The following GAB1 variants were observed in gnomAD, a reference collection of about 807,000 sequenced individuals.
The protein encoded by GAB1 is GRB2 associated binding protein 1.
A neutral mutation model predicts 66.5 loss-of-function variants in GAB1; 19 were observed. That is an observed-to-expected ratio of 0.29 (90% confidence interval 0.20 to 0.42). GAB1 has a LOEUF of 0.42. Ranked by LOEUF, GAB1 falls within the 10% of genes least tolerant of loss-of-function variation. The probability of loss-of-function intolerance (pLI) is 1.00; values close to 1 mark genes in which losing one functional copy is unlikely to be tolerated. For missense variants in GAB1, 732 were observed against 858.5 expected (o/e 0.85, Z 1.84); for synonymous variants, 294 against 301.4 (o/e 0.98, Z 0.25).
intron 1 of GAB1, among the ~76,000 whole-genome samples, chr4:143,390,736 T>C (rs940057254): frequency 1.3e-5 from 2 of 152,120 alleles, no homozygotes; most frequent in African/African-American, 2.4e-5. Context: ...ATATTGCTCA[T>C]ATAAAAGGGT....
chr4:143,362,327 C>G (rs1350819129), intron 1 of GAB1, among the ~76,000 whole-genome samples: 1 of 152,110 alleles, frequency 6.6e-6, no homozygotes, highest in Non-Finnish European at 1.5e-5. Flanking sequence ...GAGCCAGACC[C>G]CAAGAGACGG....
At chr4:143,365,418 A>G (rs1729842487) in intron 1 of GAB1, among the ~76,000 whole-genome samples, 1 of 152,132 alleles carries the variant, frequency 6.6e-6, no homozygotes, top group Admixed American at 6.5e-5. Flanking sequence ...TTGGTCTCTA[A>G]TGTGCCCCAT....
chr4:143,384,514 G>T (rs1479499527), intron 1 of GAB1, among the ~76,000 whole-genome samples: 5 of 152,224 alleles, frequency 3.3e-5, no homozygotes, highest in Non-Finnish European at 7.3e-5. Flanking sequence ...TACAGGACAG[G>T]AAAGGCTGTG....
chr4:143,386,509 T>C (rs777720283), intron 1 of GAB1, among the ~76,000 whole-genome samples: 3 of 152,078 alleles, frequency 2.0e-5, no homozygotes, highest in Non-Finnish European at 4.4e-5. Context: ...CACTTCAGCC[T>C]CCCCAGTAGC....
chr4:143,337,019 CT>C lies in GAB1; in HGVS notation c.-169del. ...GGTTCGTGGGCCTGCAGAGGAGAGA[CT>C]CGAACTCGTGGAACCCGCGCACCGT... On this transcript the variant is annotated 5_prime_UTR_variant, in exon 1 of 10. Coordinates refer to ENST00000262994, the MANE Select transcript of GAB1 (RefSeq NM_002039.4). The C allele has an allele frequency of 1.6e-6, 1 of 612,324 alleles. No homozygotes were observed. The highest frequency in any genetic ancestry group is 2.9e-6 in the Non-Finnish European group (1 of 347,526). The allele number at this position is 612,324 out of a possible 1,614,324, so 37.9% of individuals were successfully genotyped here. A position where few individuals can be genotyped will look rare whatever the true frequency, so the allele number is the denominator to read the frequency against.
intron 6 of GAB1, among the ~76,000 whole-genome samples, chr4:143,445,867 T>G (rs1734488100): frequency 6.6e-6 from 1 of 152,184 alleles, no homozygotes; most frequent in African/African-American, 2.4e-5. Context: ...TATGTATACA[T>G]GTGCCATGCT....
At chr4:143,392,492 T>C (rs1474102201) in intron 1 of GAB1, among the ~76,000 whole-genome samples, 2 of 152,162 alleles carry the variant, frequency 1.3e-5, no homozygotes, top group African/African-American at 2.4e-5. Context: ...GTAAGATACA[T>C]GAAACCTACC....
intron 6 of GAB1, among the ~76,000 whole-genome samples, chr4:143,447,876 G>C (rs1238398711): frequency 3.3e-5 from 5 of 152,134 alleles, no homozygotes; most frequent in Non-Finnish European, 7.3e-5. Flanking sequence ...AGTTTTCAAA[G>C]GGAATGCTTC....
At chr4:143,351,588 C>G (rs1223278234) in intron 1 of GAB1, among the ~76,000 whole-genome samples, 1 of 152,174 alleles carries the variant, frequency 6.6e-6, no homozygotes, top group Non-Finnish European at 1.5e-5. Context: ...AGTGCCTATC[C>G]TCACCTAGGT....
intron 2 of GAB1, chr4:143,425,788 C>T: frequency 2.6e-6 from 2 of 782,604 alleles, no homozygotes; most frequent in East Asian, 2.4e-5. Context: ...GCACACTGAT[C>T]TGAAGGCATG....
chr4:143,395,344 GTGAA>G (rs905619340), intron 1 of GAB1: 1 of 152,640 alleles, frequency 6.6e-6, no homozygotes, highest in African/African-American at 2.4e-5. Flanking sequence ...TTTTGAATAA[GTGAA>G]TGAATGAACA....
intron 8 of GAB1, among the ~76,000 whole-genome samples, chr4:143,460,900 C>A (rs541605832): frequency 6.6e-6 from 1 of 152,028 alleles, no homozygotes; most frequent in African/African-American, 2.4e-5. Context: ...AGAAAATATA[C>A]GGGCAGCATT....
chr4:143,410,079 A>G (rs901115937), intron 1 of GAB1, among the ~76,000 whole-genome samples: 1 of 150,872 alleles, frequency 6.6e-6, no homozygotes, highest in African/African-American at 2.4e-5. Context: ...AGCTCTCCGG[A>G]TATTTCTAAT....
intron 1 of GAB1, among the ~76,000 whole-genome samples, chr4:143,368,446 AG>A (rs1298047335): frequency 4.6e-5 from 7 of 152,210 alleles, no homozygotes; most frequent in African/African-American, 1.7e-4. Flanking sequence ...AACTTGTTGG[AG>A]TAGGAATTAT....
intron 9 of GAB1, 132 bp downstream of exon 9, chr4:143,466,357 CTA>C: frequency 1.3e-6 from 1 of 768,520 alleles, no homozygotes; most frequent in Non-Finnish European, 1.9e-6. Context: ...CTACTTGATG[CTA>C]TCTCATAAAA....
chr4:143,346,740 A>G (rs1211499714), intron 1 of GAB1, among the ~76,000 whole-genome samples: 2 of 152,188 alleles, frequency 1.3e-5, no homozygotes, highest in African/African-American at 4.8e-5. Flanking sequence ...TCAGGTTTAA[A>G]TGTTTGAAGT....
intron 6 of GAB1, 38 bp from the exon 7 acceptor site, chr4:143,459,347 T>C: frequency 8.4e-7 from 1 of 1,190,960 alleles, no homozygotes; most frequent in Non-Finnish European, 1.3e-6. Flanking sequence ...TCCAAAGTTC[T>C]GTATACTAAA....
intron 6 of GAB1, among the ~76,000 whole-genome samples, chr4:143,443,753 G>A (rs1734362801): frequency 6.6e-6 from 1 of 152,050 alleles, no homozygotes; most frequent in Non-Finnish European, 1.5e-5. Flanking sequence ...GATTGTCTTT[G>A]GAAGGATCTA....
chr4:143,446,633 A>G (rs1381191408), intron 6 of GAB1, among the ~76,000 whole-genome samples: 2 of 151,818 alleles, frequency 1.3e-5, no homozygotes, highest in Non-Finnish European at 2.9e-5. Flanking sequence ...CCACTTTTTG[A>G]TGGGGTTGTT....
Sources: gnomAD v4.1 joint callset for allele counts (sites outside exome capture counted in the v4.1 genomes callset) on GRCh38, gnomAD v4.1.1 for gene constraint, MANE v1.5 for transcripts, NCBI Gene and HGNC (gene_info 2026-07-23, HGNC 2026-07-21) for gene names.